MEF2D: variants seen among roughly 807,000 people sequenced by gnomAD.
MEF2D encodes the protein myocyte-specific enhancer factor 2D.
MEF2D carries 10 observed loss-of-function variants against 59.3 expected under a neutral mutation model. The ratio of observed to expected loss-of-function variants is 0.17; its 90% CI spans 0.10 to 0.29. The LOEUF is 0.29. MEF2D is among the 10% of genes least tolerant of loss of function. The pLI is 1.00. For missense variants in MEF2D, 508 were observed against 699.4 expected (o/e 0.73, Z 3.09); for synonymous variants, 305 against 295.0 (o/e 1.03, Z -0.35).
intron 9 of MEF2D, 91 bp from the exon 10 acceptor site, chr1:156,469,111 G>C: frequency 6.7e-7 from 1 of 1,482,000 alleles, no homozygotes; most frequent in Non-Finnish European, 9.1e-7. Flanking sequence ...CTGTGGGGAT[G>C]AGGGGACAGG....
intron 11 of MEF2D, 145 bp from the exon 12 acceptor site, chr1:156,467,801 G>T: frequency 9.4e-7 from 1 of 1,069,018 alleles, no homozygotes; most frequent in Non-Finnish European, 1.3e-6. Context: ...CAGAAGGACT[G>T]ATGCTGGAGG....
chr1:156,483,471 AC>A, intron 1 of MEF2D, 41 bp from the exon 2 acceptor site: 1 of 619,090 alleles, frequency 1.6e-6, no homozygotes, highest in Non-Finnish European at 2.8e-6. Flanking sequence ...AGCCCCCAAA[AC>A]CCCCAGCCCT....
chr1:156,463,974 T>C lies in MEF2D; in HGVS notation c.*3671A>G, dbSNP rs1670678397. On this transcript the variant is annotated 3_prime_UTR_variant, in exon 12 of 12. Transcript: ENST00000348159. ...CAGGAGTGTGGGTGATTGTCAGGTG[T>C]GGGGGTGGGGCACCTCCATGGCCCA... 1 of 152,598 alleles carries C rather than the reference T, an allele frequency of 6.6e-6. No individual in the cohort carries two copies. The highest frequency in any genetic ancestry group is 2.4e-5 in the African/African-American group (1 of 41,418). The allele number at this position is 152,598 out of a possible 1,614,324, so 9.5% of individuals were successfully genotyped here. A position where few individuals can be genotyped will look rare whatever the true frequency, so the allele number is the denominator to read the frequency against.
At chr1:156,495,690 T>C (rs1673088933) in intron 1 of MEF2D, among the ~76,000 whole-genome samples, 1 of 142,858 alleles carries the variant, frequency 7.0e-6, no homozygotes, top group Non-Finnish European at 1.5e-5. Flanking sequence ...TTGTGGTTTT[T>C]GGTCTTCAAA....
At chr1:156,481,046 C>T (rs1671980164) in intron 3 of MEF2D, 75 bp from the exon 4 acceptor site, 2 of 1,591,216 alleles carry the variant, frequency 1.3e-6, no homozygotes, top group Non-Finnish European at 1.7e-6. Flanking sequence ...TCCAGCCCCT[C>T]CCTAAGGGCC....
At chr1:156,480,732 C>T (rs777420924) in intron 4 of MEF2D, 102 bp downstream of exon 4, 12 of 1,611,538 alleles carry the variant, frequency 7.4e-6, no homozygotes, top group Admixed American at 1.7e-5. Flanking sequence ...GCAAACACCT[C>T]GTCCACCTCA....
chr1:156,467,531 G>A lies in MEF2D; in HGVS notation c.*114C>T, dbSNP rs1329558113. 2.3e-5 allele frequency: 15 copies of A among 645,620 alleles called. No individual in the cohort carries two copies. The highest frequency in any genetic ancestry group is 3.1e-4 in the Middle Eastern group (1 of 3,196). 40.0% of individuals were successfully genotyped at this position (645,620 alleles called of 1,614,324 possible). A position where few individuals can be genotyped will look rare whatever the true frequency, so the allele number is the denominator to read the frequency against. On this transcript the variant is annotated 3_prime_UTR_variant, in exon 12 of 12. Coordinates refer to ENST00000348159, the MANE Select transcript of MEF2D (RefSeq NM_005920.4). ...ACAAATGTAACCGTCAACAGGACAC[G>A]AAGCACAAGAAAGGAAGTGGGGGTC...
At position 156,468,712 on chromosome 1, in the gene MEF2D, G is replaced by A. The variant is rs1334681969; in HGVS notation, c.1247+68C>T. On this transcript the variant is annotated intron_variant, in intron 10 of 11. Coordinates refer to ENST00000348159, the MANE Select transcript of MEF2D (RefSeq NM_005920.4). This position sits in a 1 kb window ranked among gnomAD's most constrained non-coding sequence, Gnocchi z 4.3. Reference sequence around the variant, plus strand: ...ACCCTGCAGGGAACCCAGCTCCCAAGAGGTCCCTCCTCTTCCCGTTCAATT... The same window carrying A: ...ACCCTGCAGGGAACCCAGCTCCCAAAAGGTCCCTCCTCTTCCCGTTCAATT... 5.8e-6 allele frequency: 9 copies of A among 1,565,176 alleles called. No homozygotes were observed. Among genetic ancestry groups the A allele is most frequent in the Non-Finnish European group, 7.8e-6 (9 of 1,150,364 alleles).
Position 156,468,382 on chromosome 1 carries a change from GA to G in MEF2D, c.1248-84del. 1.0e-6 allele frequency: 1 copy of G among 1,000,946 alleles called. No homozygotes were observed. Among genetic ancestry groups the G allele is most frequent in the Non-Finnish European group, 1.5e-6 (1 of 682,550 alleles). 62.0% of individuals were successfully genotyped at this position (1,000,946 alleles called of 1,614,324 possible). A position where few individuals can be genotyped will look rare whatever the true frequency, so the allele number is the denominator to read the frequency against. On this transcript the variant is annotated intron_variant, in intron 10 of 11. Transcript: ENST00000348159. The surrounding 1 kb of genome is among the most constrained non-coding windows in gnomAD (Gnocchi z 4.3). ...AGAACAAGTGATAGGACACCAGACA[GA>G]AAGTGAGAGAGAACAAGAGGATGAG...
chr1:156,469,120 G>C (rs1031521904), intron 9 of MEF2D, 100 bp from the exon 10 acceptor site: 2 of 1,449,544 alleles, frequency 1.4e-6, no homozygotes, highest in African/African-American at 1.4e-5. Flanking sequence ...TGAGGGGACA[G>C]GGAGTGTGTA....
rs1392897923 is a variant in MEF2D, at chr1:156,467,992, C to G, written c.1554+1G>C. 1.1e-5 allele frequency: 18 copies of G among 1,609,934 alleles called. No individual in the cohort carries two copies. ...AGACAGGAGAGGTGATGCTACAGTA[C>G]CCAGGTATCAAGCCGCATCCTCTTC... On this transcript the variant is annotated splice_donor_variant, in intron 11 of 11. Coordinates refer to ENST00000348159, the MANE Select transcript of MEF2D (RefSeq NM_005920.4). LOFTEE classifies it high-confidence loss of function.
At chr1:156,471,656 C>T (rs961156242) in intron 9 of MEF2D, among the ~76,000 whole-genome samples, 4 of 152,232 alleles carry the variant, frequency 2.6e-5, no homozygotes, top group Non-Finnish European at 4.4e-5. Context: ...GCCACCACAG[C>T]CAGGCCTCTG....
chr1:156,476,505 G>C lies in MEF2D; in HGVS notation c.865C>G (p.His289Asp), dbSNP rs1303222348. 6.2e-7 allele frequency: 1 copy of C among 1,611,862 alleles called. No individual in the cohort carries two copies. Among genetic ancestry groups the C allele is most frequent in the Non-Finnish European group, 8.5e-7 (1 of 1,179,152 alleles). The change falls in exon 8 of 12, where the codon CAT becomes GAT. Residue 289 changes from histidine to aspartate, a missense_variant. Transcript: ENST00000348159. The stretch of plus-strand genomic sequence containing the variant: ...ACAGCCTCACTTACCAGATCTAAAT[G>C]GTCCTCAGTCTGAGAGCAGAAATAA... ...KGLMHHLTEDHLDLNNAQRLG... is the reference protein window; with the variant it reads ...KGLMHHLTEDDLDLNNAQRLG...
chr1:156,500,644 G>A lies in MEF2D; in HGVS notation c.-297C>T, dbSNP rs1373725981. The A allele has an allele frequency of 6.6e-6, 1 of 151,982 alleles. No homozygotes were observed. Among genetic ancestry groups the A allele is most frequent in the Admixed American group, 6.5e-5 (1 of 15,268 alleles). 9.4% of individuals were successfully genotyped at this position (151,982 alleles called of 1,614,324 possible). A position where few individuals can be genotyped will look rare whatever the true frequency, so the allele number is the denominator to read the frequency against. On this transcript the variant is annotated 5_prime_UTR_variant, in exon 1 of 12. Coordinates refer to ENST00000348159, the MANE Select transcript of MEF2D (RefSeq NM_005920.4). ...GCCCTGGGCGGCGCCGTGAGGCCTG[G>A]GCCCCCGTCGTGGGCGCGGGGGCCA...
rs201427607 is a variant in MEF2D at position 156,483,300 on chromosome 1, G to A, written c.-8C>T. On this transcript the variant is annotated 5_prime_UTR_variant, in exon 2 of 12. Coordinates refer to ENST00000348159, the MANE Select transcript of MEF2D (RefSeq NM_005920.4). ...AATCTTTTTCCTCCCCATCTTCTCC[G>A]GGGGTCCTCAGTGCTACGGAGGGGA... 3.6e-5 allele frequency: 58 copies of A among 1,614,036 alleles called. No homozygotes were observed. The East Asian group carries it at 8.2e-4, about 23-fold the overall frequency.
chr1:156,490,583 G>C (rs2102228350), intron 1 of MEF2D: 1 of 152,484 alleles, frequency 6.6e-6, no homozygotes, highest in East Asian at 1.9e-4. Flanking sequence ...CCTAGGGCAG[G>C]GGTGGTCTCA....
intron 1 of MEF2D, among the ~76,000 whole-genome samples, chr1:156,491,597 G>A (rs74116857): frequency 0.054 from 8,159 of 152,256 alleles, 422 homozygotes; most frequent in African/African-American, 0.13. Flanking sequence ...TTGTGGCAGA[G>A]GCTCAGTCAT....
intron 9 of MEF2D, among the ~76,000 whole-genome samples, chr1:156,472,159 C>G (rs140336076): frequency 6.6e-6 from 1 of 152,234 alleles, no homozygotes; most frequent in African/African-American, 2.4e-5. Context: ...AAAAAGTGGT[C>G]TGAGCTGCCC....
At chr1:156,476,970 T>C (rs765744664) in intron 7 of MEF2D, 42 bp downstream of exon 7, 35 of 1,609,638 alleles carry the variant, frequency 2.2e-5, no homozygotes, top group Non-Finnish European at 2.7e-5. Flanking sequence ...TCCCTACTCT[T>C]CCATTCCCCA....
Sources: allele counts gnomAD v4.1 joint callset (sites outside exome capture counted in the v4.1 genomes callset), GRCh38; gene constraint gnomAD v4.1.1; non-coding constraint Gnocchi (gnomAD v3.1); transcripts MANE v1.5; gene names NCBI Gene and HGNC (gene_info 2026-07-23, HGNC 2026-07-21).